Variants in RAG1 observed in about 807,000 individuals in gnomAD.
RAG1 encodes recombination activating 1.
In RAG1, 35 loss-of-function variants were observed where a neutral mutation model predicts 62.7. The observed-to-expected ratio is 0.56, with a 90% confidence interval of 0.43 to 0.74. RAG1 has a LOEUF of 0.74. Ranked by LOEUF, RAG1 falls within the 30% of genes least tolerant of loss-of-function variation. The probability of loss-of-function intolerance (pLI) is 0.00; values close to 1 mark genes in which losing one functional copy is unlikely to be tolerated. For missense variants in RAG1, 1,169 were observed against 1,278.6 expected (o/e 0.91, Z 1.31); for synonymous variants, 461 against 470.3 (o/e 0.98, Z 0.26).
chr11:36,535,744 C>G (rs1564978876), intron 2 of RAG1, among the ~76,000 whole-genome samples: 1 of 151,754 alleles, frequency 6.6e-6, no homozygotes, highest in Non-Finnish European at 1.5e-5. Context: ...GACTCCCTCT[C>G]AAATAAATAA....
At chr11:36,528,981 C>A (rs997757564) in intron 2 of RAG1, among the ~76,000 whole-genome samples, 1 of 152,156 alleles carries the variant, frequency 6.6e-6, no homozygotes, top group African/African-American at 2.4e-5. Flanking sequence ...ATAACAGGTT[C>A]TGAAATTGGG....
Position 36,576,672 on chromosome 11 carries a change from C to G in RAG1, c.*236C>G. On this transcript the variant is annotated 3_prime_UTR_variant, in exon 2 of 2. Transcript: ENST00000299440. ...AGGAAAAATCAGTTATCTGAAAGCTCAGTAACTCAGAACAGGAGTAACTGC... is the reference window on the plus strand; with the variant it reads ...AGGAAAAATCAGTTATCTGAAAGCTGAGTAACTCAGAACAGGAGTAACTGC... The G allele has an allele frequency of 1.8e-6, 1 of 555,844 alleles. No homozygotes were observed. Among genetic ancestry groups the G allele is most frequent in the Non-Finnish European group, 3.3e-6 (1 of 301,830 alleles). The allele number at this position is 555,844 out of a possible 1,614,324, so 34.4% of individuals were successfully genotyped here.
intron 1 of RAG1, among the ~76,000 whole-genome samples, chr11:36,572,321 G>C (rs763905648): frequency 1.3e-5 from 2 of 152,184 alleles, no homozygotes; most frequent in African/African-American, 4.8e-5. Flanking sequence ...GGCATTGTTT[G>C]ACTTTTTTTC....
chr11:36,573,728 C>T lies in RAG1; in HGVS notation c.424C>T (p.Arg142Ter), dbSNP rs773929270. 15 of 1,613,816 alleles carry T rather than the reference C, an allele frequency of 9.3e-6. No individual in the cohort carries two copies. Among genetic ancestry groups the T allele is most frequent in the Admixed American group, 3.3e-5 (2 of 59,990 alleles). The change falls in exon 2 of 2, where the codon CGA (arginine) becomes TGA (stop). Residue 142 changes from arginine (R) to a stop codon, truncating the protein, a stop_gained. Coordinates refer to ENST00000299440, the MANE Select transcript of RAG1 (RefSeq NM_000448.3). LOFTEE classifies it high-confidence loss of function. ...PVDGKTLGLLRKKEKRATSWP... is the reference protein window; with the variant it reads ...PVDGKTLGLL ...GGATGGTAAAACCCTAGGCCTTTTA[C>T]GAAAGAAGGAAAAGAGAGCTACTTC...
chr11:36,517,413 A>G (rs888428774), intron 1 of RAG1, among the ~76,000 whole-genome samples: 2 of 151,970 alleles, frequency 1.3e-5, no homozygotes, highest in African/African-American at 4.8e-5. Context: ...GGGTGGGGGG[A>G]ATATACAATT....
intron 1 of RAG1, among the ~76,000 whole-genome samples, chr11:36,569,620 G>A (rs1306469488): frequency 6.6e-6 from 1 of 152,196 alleles, no homozygotes; most frequent in Non-Finnish European, 1.5e-5. Flanking sequence ...AAGTGACTAT[G>A]AGCACATATA....
rs367588231 is a variant in RAG1, at chr11:36,578,634, G to A, written c.*2198G>A. 29 of 167,044 alleles carry A rather than the reference G, an allele frequency of 1.7e-4. No homozygotes were observed. The highest frequency in any genetic ancestry group is 6.5e-4 in the African/African-American group (27 of 41,562). The allele number at this position is 167,044 out of a possible 1,614,324, so 10.3% of individuals were successfully genotyped here. Reference sequence around the variant, plus strand: ...CTATTTTGAATGCATGTGACTAAGAGCATGATTTATAGCACAACCTTTCCA... The same window carrying A: ...CTATTTTGAATGCATGTGACTAAGAACATGATTTATAGCACAACCTTTCCA... On this transcript the variant is annotated 3_prime_UTR_variant, in exon 2 of 2. Transcript: ENST00000299440.
intron 3 of RAG1, among the ~76,000 whole-genome samples, chr11:36,562,799 G>A (rs1380789726): frequency 6.6e-6 from 1 of 152,188 alleles, no homozygotes; most frequent in Non-Finnish European, 1.5e-5. Context: ...GCTTGAAGTA[G>A]AAGATCAAAG....
Position 36,575,386 on chromosome 11 carries a change from G to C in RAG1, c.2082G>C (p.Leu694=). 6.2e-7 allele frequency: 1 copy of C among 1,613,914 alleles called. No homozygotes were observed. Among genetic ancestry groups the C allele is most frequent in the Non-Finnish European group, 8.5e-7 (1 of 1,179,804 alleles). The change falls in exon 2 of 2, where the codon CTG becomes CTC. Residue 694 remains leucine (L), a synonymous_variant. Coordinates refer to ENST00000299440, the MANE Select transcript of RAG1 (RefSeq NM_000448.3). The surrounding 1 kb of genome is among the most constrained non-coding windows in gnomAD (Gnocchi z 4.1). The part of the protein sequence containing the change: ...AMKSSELMLE[L]GGILRTFKFI... ...AGAGCAGTGAATTAATGCTTGAGCT[G>C]GGAGGCATTCTCCGGACTTTCAAGT...
intron 3 of RAG1, among the ~76,000 whole-genome samples, chr11:36,544,999 T>G (rs1850372255): frequency 6.6e-6 from 1 of 152,254 alleles, no homozygotes. Context: ...TCTCAGGTAG[T>G]TCTTTATAGC....
Position 36,519,021 on chromosome 11 carries a change from G to C in RAG1, n.331-1111G>C, listed in dbSNP as rs746348561. Among the ~76,000 whole-genome samples the C allele has an allele frequency of 2.6e-5, 4 of 152,316 alleles. No homozygotes were observed. In the Middle Eastern group the frequency reaches 0.01, roughly 389 times the overall value. On this transcript the variant is annotated intron_variant and non_coding_transcript_variant, in intron 1 of 2. Coordinates refer to the RAG1 transcript ENST00000529126. Reference sequence around the variant, plus strand: ...CTACTTTCCTGAAGAAGATTCTGTAGGGGATATCAATTATGTTAAATAAAT... The same window carrying C: ...CTACTTTCCTGAAGAAGATTCTGTACGGGATATCAATTATGTTAAATAAAT...
At chr11:36,512,357 C>T (rs887611101) in intron 1 of RAG1, among the ~76,000 whole-genome samples, 10 of 152,232 alleles carry the variant, frequency 6.6e-5, no homozygotes, top group Non-Finnish European at 1.0e-4. Flanking sequence ...GAAAGTCAAT[C>T]CACCTGCATT....
chr11:36,564,810 G>C (rs559412329), upstream of RAG1, among the ~76,000 whole-genome samples: 1 of 152,308 alleles, frequency 6.6e-6, no homozygotes, highest in South Asian at 2.1e-4. Flanking sequence ...TGCTCACCCA[G>C]GGCTCCGATC....
In RAG1 at chr11:36,562,149, T is replaced by C. The variant is rs139318946; in HGVS notation, c.-411-1236T>C. On this transcript the variant is annotated intron_variant and NMD_transcript_variant, in intron 3 of 9. Transcript: ENST00000534663. ...TAGAGAAGTAAAGTGATTTGACTTA[T>C]AGTTTTAACAAGATTAGAATTTGTT... Among the ~76,000 whole-genome samples the C allele has an allele frequency of 2.9e-3, 436 of 152,298 alleles. 9 individuals are homozygous for C. The highest frequency in any genetic ancestry group is 0.023 in the East Asian group (120 of 5,180).
chr11:36,548,728 C>T (rs1860796326), intron 3 of RAG1, among the ~76,000 whole-genome samples: 2 of 152,170 alleles, frequency 1.3e-5, no homozygotes, highest in Admixed American at 1.3e-4. Flanking sequence ...ATGCTATCCC[C>T]ATCAAGCTAC....
At position 36,574,228 on chromosome 11, in the gene RAG1, T is replaced by C; in HGVS notation, c.924T>C (p.Cys308=). 1 of 1,614,178 alleles carries C rather than the reference T, an allele frequency of 6.2e-7. No individual in the cohort carries two copies. The highest frequency in any genetic ancestry group is 1.1e-5 in the South Asian group (1 of 91,074). The stretch of plus-strand genomic sequence containing the variant: ...TGGCTGACCCTGTGGAGACCAACTG[T>C]AAGCATGTCTTTTGCCGGGTCTGCA... ...HILADPVETN[C]KHVFCRVCIL... Residue 308 remains cysteine (C), a synonymous_variant, in exon 2 of 2, where the codon TGT becomes TGC. Coordinates refer to ENST00000299440, the MANE Select transcript of RAG1 (RefSeq NM_000448.3).
At chr11:36,521,310 G>A (rs117040258) in intron 2 of RAG1, among the ~76,000 whole-genome samples, 4,827 of 152,068 alleles carry the variant, frequency 0.032, 119 homozygotes, top group Middle Eastern at 0.071. Flanking sequence ...GGAGGGACCC[G>A]GTAAAAGATG....
intron 2 of RAG1, among the ~76,000 whole-genome samples, chr11:36,523,165 T>C (rs1860107351): frequency 6.6e-6 from 1 of 152,224 alleles, no homozygotes; most frequent in South Asian, 2.1e-4. Flanking sequence ...GGTGGAATGA[T>C]ATGATTTGGC....
At chr11:36,543,277 G>A (rs1356049) in intron 3 of RAG1, among the ~76,000 whole-genome samples, 22,982 of 152,166 alleles carry the variant, frequency 0.15, 1,846 homozygotes, top group Admixed American at 0.2. Context: ...CTTTGGAAGT[G>A]TGAGGTTGCC....
Sources: allele counts gnomAD v4.1 joint callset (sites outside exome capture counted in the v4.1 genomes callset), GRCh38; gene constraint gnomAD v4.1.1; non-coding constraint Gnocchi (gnomAD v3.1); transcripts MANE v1.5; gene names NCBI Gene and HGNC (gene_info 2026-07-23, HGNC 2026-07-21).